Variants in PAK5 observed in about 807,000 individuals in gnomAD.
PAK5 encodes serine/threonine-protein kinase PAK 5.
In PAK5, 16 loss-of-function variants were observed where a neutral mutation model predicts 65.9. The observed-to-expected ratio is 0.24, with a 90% CI of 0.16 to 0.37. The LOEUF (loss-of-function observed/expected upper bound fraction) is 0.37, where lower values mean the gene tolerates loss of function less well. Among genes scored for constraint, PAK5 ranks in the 10% least tolerant of loss-of-function variants. The probability of loss-of-function intolerance (pLI) is 1.00; values close to 1 mark genes in which losing one functional copy is unlikely to be tolerated. For synonymous variants in PAK5, 371 were observed against 354.9 expected (o/e 1.05, Z -0.51); for missense variants, 785 against 903.9 (o/e 0.87, Z 1.69).
Position 9,802,831 on chromosome 20 carries a change from G to A in PAK5, c.-162+35931C>T, listed in dbSNP as rs566132893. 1.2e-4 allele frequency among the ~76,000 whole-genome samples: 18 copies of A among 145,330 alleles called. No individual in the cohort carries two copies. In the South Asian group the frequency reaches 3.6e-3, roughly 29 times the overall value. ...CCAAAATATTGGTTAAAGCTAAGTG[G>A]CAACCAACAGAAGGAATAGAACTAG... On this transcript the variant is annotated intron_variant, in intron 1 of 9. Transcript: ENST00000353224.
intron 1 of PAK5, among the ~76,000 whole-genome samples, chr20:9,717,848 G>A (rs981687763): frequency 2.6e-5 from 4 of 152,190 alleles, no homozygotes; most frequent in Admixed American, 1.3e-4. Flanking sequence ...TCAAACTCCT[G>A]ACCTCAGGTG....
intron 3 of PAK5, among the ~76,000 whole-genome samples, chr20:9,594,819 C>T (rs2046234262): frequency 6.6e-6 from 1 of 152,182 alleles, no homozygotes; most frequent in Admixed American, 6.5e-5. Flanking sequence ...TCTGCTTCGA[C>T]AGCCCTAATT....
At chr20:9,598,935 C>T (rs74888107) in intron 3 of PAK5, among the ~76,000 whole-genome samples, 8,629 of 152,202 alleles carry the variant, frequency 0.057, 754 homozygotes, top group African/African-American at 0.19. Context: ...TTCAGTCAAT[C>T]CACAGTGTTG....
intron 2 of PAK5, among the ~76,000 whole-genome samples, chr20:9,693,412 CTCTT>C (rs1365877706): frequency 2.0e-5 from 3 of 151,976 alleles, no homozygotes; most frequent in African/African-American, 7.2e-5. Context: ...CATTCTCTCT[CTCTT>C]CATCTCTCGT....
At chr20:9,632,714 G>GA (rs766357930) in intron 3 of PAK5, among the ~76,000 whole-genome samples, 5 of 152,138 alleles carry the variant, frequency 3.3e-5, no homozygotes, top group Non-Finnish European at 7.4e-5. Flanking sequence ...GTGGTCTTAG[G>GA]AAAAAACACT....
Position 9,683,825 on chromosome 20 carries a change from C to A in PAK5, c.-12+27461G>T, listed in dbSNP as rs189397237. 1.8e-3 allele frequency among the ~76,000 whole-genome samples: 272 copies of A among 152,252 alleles called. 1 individual carries two copies. The highest frequency in any genetic ancestry group is 2.8e-3 in the Non-Finnish European group (191 of 68,022). Reference sequence around the variant, plus strand: ...CCTTGACTTCCTGGGATCAAGCAATCTTCCTGTCTCAGTCTCCCAAAGGGC... The same window carrying A: ...CCTTGACTTCCTGGGATCAAGCAATATTCCTGTCTCAGTCTCCCAAAGGGC... On this transcript the variant is annotated intron_variant, in intron 2 of 9. Transcript: ENST00000353224.
At chr20:9,828,084 C>T (rs950357873) in intron 1 of PAK5, among the ~76,000 whole-genome samples, 1 of 152,108 alleles carries the variant, frequency 6.6e-6, no homozygotes, top group African/African-American at 2.4e-5. Context: ...ATCCACCCAC[C>T]TCGGCCTCCC....
At chr20:9,573,394 A>C (rs1343938893) in intron 4 of PAK5, among the ~76,000 whole-genome samples, 1 of 152,204 alleles carries the variant, frequency 6.6e-6, no homozygotes, top group Non-Finnish European at 1.5e-5. Flanking sequence ...GAATTCACTT[A>C]ATCAATCAAT....
chr20:9,721,219 A>G (rs1391675373), intron 1 of PAK5, among the ~76,000 whole-genome samples: 1 of 152,116 alleles, frequency 6.6e-6, no homozygotes, highest in Non-Finnish European at 1.5e-5. Flanking sequence ...CCCTGGATAT[A>G]AAGGGTTTCC....
At chr20:9,767,291 T>C (rs927349212) in intron 1 of PAK5, among the ~76,000 whole-genome samples, 1 of 152,212 alleles carries the variant, frequency 6.6e-6, no homozygotes, top group African/African-American at 2.4e-5. Flanking sequence ...AAGTGAATAA[T>C]GTTCAATCCT....
At position 9,537,812 on chromosome 20, in the gene PAK5, G is replaced by A. The variant is rs1375828224; in HGVS notation, c.*1650C>T. The stretch of plus-strand genomic sequence containing the variant: ...AGCAAAATCATAGATCATATTTATG[G>A]AGGCATTTCCAGTTTGAAAGAAAAC... On this transcript the variant is annotated 3_prime_UTR_variant, in exon 10 of 10. Coordinates refer to ENST00000353224, the MANE Select transcript of PAK5 (RefSeq NM_177990.4). 1 of 223,874 alleles carries A rather than the reference G, an allele frequency of 4.5e-6. No individual in the cohort carries two copies. Among genetic ancestry groups the A allele is most frequent in the Non-Finnish European group, 8.9e-6 (1 of 112,318 alleles). The allele number at this position is 223,874 out of a possible 1,614,324, so 13.9% of individuals were successfully genotyped here.
At position 9,584,890 on chromosome 20, in the gene PAK5, T is replaced by C. The variant is rs113915044; in HGVS notation, c.205-3960A>G. 5.8e-3 allele frequency among the ~76,000 whole-genome samples: 886 copies of C among 152,326 alleles called. 3 individuals are homozygous for C. Among genetic ancestry groups the C allele is most frequent in the Non-Finnish European group, 0.01 (688 of 68,024 alleles). On this transcript the variant is annotated intron_variant, in intron 3 of 9. Coordinates refer to ENST00000353224, the MANE Select transcript of PAK5 (RefSeq NM_177990.4). ...CAAAATGTCATCAGGAATTCATGGT[T>C]CCTCCAAAAGAGCTTCCTGGTGTGT...
At chr20:9,834,529 A>G (rs1322017658) in intron 1 of PAK5, among the ~76,000 whole-genome samples, 1 of 152,220 alleles carries the variant, frequency 6.6e-6, no homozygotes, top group African/African-American at 2.4e-5. Context: ...GCCCACCTAG[A>G]TATGGTGAGA....
chr20:9,607,828 A>G (rs1037112498), intron 3 of PAK5, among the ~76,000 whole-genome samples: 11 of 151,114 alleles, frequency 7.3e-5, no homozygotes, highest in African/African-American at 2.7e-4. Context: ...GACTCTGTCT[A>G]AAAAAAAAGA....
intron 1 of PAK5, among the ~76,000 whole-genome samples, chr20:9,791,141 T>A (rs937007716): frequency 6.6e-6 from 1 of 152,144 alleles, no homozygotes; most frequent in African/African-American, 2.4e-5. Flanking sequence ...TTCACCACCT[T>A]TAGTCACAAC....
chr20:9,674,949 G>A (rs1569033734), intron 2 of PAK5, among the ~76,000 whole-genome samples: 1 of 152,204 alleles, frequency 6.6e-6, no homozygotes, highest in Non-Finnish European at 1.5e-5. Context: ...CTAGCTGCAG[G>A]TCATTAGTAG....
intron 1 of PAK5, among the ~76,000 whole-genome samples, chr20:9,777,905 A>T (rs1281730892): frequency 6.6e-6 from 1 of 152,146 alleles, no homozygotes; most frequent in East Asian, 1.9e-4. Context: ...GACAAGAATG[A>T]TATTTCCTGC....
intron 3 of PAK5, among the ~76,000 whole-genome samples, chr20:9,634,400 G>A (rs1293329730): frequency 6.6e-6 from 1 of 152,176 alleles, no homozygotes; most frequent in Admixed American, 6.5e-5. Flanking sequence ...ATCAGCTTTT[G>A]TTTTTAGAGT....
intron 2 of PAK5, among the ~76,000 whole-genome samples, chr20:9,677,538 A>C (rs960461868): frequency 6.6e-6 from 1 of 152,220 alleles, no homozygotes; most frequent in Non-Finnish European, 1.5e-5. Flanking sequence ...CCTCCATTGT[A>C]AACACTCACT....
Sources: gnomAD v4.1 joint callset for allele counts (sites outside exome capture counted in the v4.1 genomes callset) on GRCh38, gnomAD v4.1.1 for gene constraint, MANE v1.5 for transcripts, NCBI Gene and HGNC (gene_info 2026-07-23, HGNC 2026-07-21) for gene names.